SHANK2: variants seen among roughly 807,000 people sequenced by gnomAD.
SHANK2 encodes SH3 and multiple ankyrin repeat domains protein 2.
In SHANK2, 43 loss-of-function variants were observed where a neutral mutation model predicts 133.7. That is an observed-to-expected ratio of 0.32 (90% CI 0.25 to 0.41). The LOEUF (loss-of-function observed/expected upper bound fraction) is 0.41. SHANK2 is among the 10% of genes least tolerant of loss of function. The pLI is 1.00. For synonymous variants in SHANK2, 1,017 were observed against 952.8 expected (o/e 1.07, Z -1.24); for missense variants, 1,994 against 2,235.8 (o/e 0.89, Z 2.18).
chr11:71,117,955 G>T (rs1313907833), intron 4 of SHANK2, among the ~76,000 whole-genome samples: 2 of 152,224 alleles, frequency 1.3e-5, no homozygotes, highest in East Asian at 3.8e-4. Flanking sequence ...TGACGTTTAT[G>T]GAGGGCAGTC....
intron 2 of SHANK2, among the ~76,000 whole-genome samples, chr11:71,209,067 G>A (rs1257646659): frequency 3.3e-5 from 5 of 152,180 alleles, no homozygotes; most frequent in African/African-American, 1.2e-4. Flanking sequence ...CCAGTCCTCT[G>A]AGTCTAAGCC....
chr11:70,501,700 T>C (rs1056424368), intron 20 of SHANK2, among the ~76,000 whole-genome samples: 1 of 152,218 alleles, frequency 6.6e-6, no homozygotes, highest in African/African-American at 2.4e-5. Context: ...TTGCAGACCT[T>C]ACACAAAGGT....
chr11:70,769,291 G>A (rs1388823015), intron 14 of SHANK2, among the ~76,000 whole-genome samples: 3 of 152,290 alleles, frequency 2.0e-5, no homozygotes, highest in Non-Finnish European at 2.9e-5. Flanking sequence ...CCCCAGGGAC[G>A]GTGCCCACTG....
At chr11:70,716,705 A>G (rs1398289597) in intron 14 of SHANK2, among the ~76,000 whole-genome samples, 1 of 151,986 alleles carries the variant, frequency 6.6e-6, no homozygotes, top group Admixed American at 6.6e-5. Context: ...GGCACCCCCA[A>G]AAGATTCTAC....
chr11:71,098,205 G>A (rs1000402077), intron 6 of SHANK2, among the ~76,000 whole-genome samples: 11 of 151,074 alleles, frequency 7.3e-5, no homozygotes, highest in African/African-American at 1.7e-4. Flanking sequence ...GTACATGCCT[G>A]TGCGTGTGCA....
chr11:70,646,707 T>C (rs2061265755), intron 17 of SHANK2, among the ~76,000 whole-genome samples: 1 of 152,174 alleles, frequency 6.6e-6, no homozygotes, highest in Non-Finnish European at 1.5e-5. Flanking sequence ...CCCCACGTGG[T>C]CCAGTCCTTG....
At chr11:70,910,877 G>A (rs1590823390) in intron 10 of SHANK2, 1 of 429,258 alleles carries the variant, frequency 2.3e-6, no homozygotes, top group East Asian at 7.2e-5. Flanking sequence ...TAACACAATT[G>A]TTTACATGTT....
At chr11:71,110,345 G>A (rs1657480910) in intron 5 of SHANK2, among the ~76,000 whole-genome samples, 1 of 152,202 alleles carries the variant, frequency 6.6e-6, no homozygotes, top group South Asian at 2.1e-4. Context: ...GGTTGAGGCA[G>A]GAGAATGGCA....
chr11:70,746,346 C>T (rs1419354515), intron 14 of SHANK2, among the ~76,000 whole-genome samples: 1 of 151,234 alleles, frequency 6.6e-6, no homozygotes, highest in Non-Finnish European at 1.5e-5. Flanking sequence ...TCTCCCACCA[C>T]ACTCTCCCGC....
At chr11:70,761,244 A>G (rs1946990261) in intron 14 of SHANK2, among the ~76,000 whole-genome samples, 1 of 152,098 alleles carries the variant, frequency 6.6e-6, no homozygotes. Flanking sequence ...TGGGGCCCCT[A>G]TGATGGGATT....
At chr11:70,679,645 G>C (rs1318959533) in intron 15 of SHANK2, among the ~76,000 whole-genome samples, 2 of 152,274 alleles carry the variant, frequency 1.3e-5, no homozygotes, top group African/African-American at 4.8e-5. Flanking sequence ...CACTGAACGG[G>C]AGGCTTGGGA....
chr11:71,065,060 A>G (rs1327469959), intron 9 of SHANK2, among the ~76,000 whole-genome samples: 2 of 152,064 alleles, frequency 1.3e-5, no homozygotes, highest in Non-Finnish European at 2.9e-5. Context: ...GATGCCACAG[A>G]AACGTTGAGC....
intron 14 of SHANK2, among the ~76,000 whole-genome samples, chr11:70,699,867 C>T (rs1409469501): frequency 6.6e-6 from 1 of 152,182 alleles, no homozygotes; most frequent in Non-Finnish European, 1.5e-5. Context: ...CAGATGTGGC[C>T]ACGTGACTAG....
rs142982679 is a variant in SHANK2 at position 70,482,137 on chromosome 11, A to C, written c.4979+3177T>G. Among the ~76,000 whole-genome samples the C allele has an allele frequency of 2.7e-4, 41 of 152,324 alleles. No individual in the cohort carries two copies. The East Asian group carries it at 7.7e-3, about 29-fold the overall frequency. ...GAGCCTAGTTTAGTGCCTACAGTGA[A>C]TGCTCTTCATCTTTGTCCTCTGGCC... On this transcript the variant is annotated intron_variant, in intron 25 of 25. Coordinates refer to ENST00000601538, the MANE Select transcript of SHANK2 (RefSeq NM_012309.5).
At chr11:70,508,815 G>A (rs548053068) in intron 17 of SHANK2, among the ~76,000 whole-genome samples, 1 of 152,312 alleles carries the variant, frequency 6.6e-6, no homozygotes, top group South Asian at 2.1e-4. Flanking sequence ...CCTGAGCTCT[G>A]GAGGTCGAGA....
At chr11:71,218,548 C>T (rs575026118) in intron 2 of SHANK2, among the ~76,000 whole-genome samples, 1 of 152,096 alleles carries the variant, frequency 6.6e-6, no homozygotes, top group Non-Finnish European at 1.5e-5. Flanking sequence ...CAGGTGTGAG[C>T]CCCCGGGACC....
At chr11:70,682,937 G>A (rs972180179) in intron 15 of SHANK2, among the ~76,000 whole-genome samples, 1 of 152,036 alleles carries the variant, frequency 6.6e-6, no homozygotes, top group African/African-American at 2.4e-5. Context: ...GGAAACCGAG[G>A]CCAGGGGTTA....
chr11:70,710,045 G>A (rs1238750892), intron 14 of SHANK2, among the ~76,000 whole-genome samples: 1 of 152,084 alleles, frequency 6.6e-6, no homozygotes, highest in African/African-American at 2.4e-5. Context: ...GAAAGGGTGG[G>A]GCAGCAGAAG....
intron 17 of SHANK2, among the ~76,000 whole-genome samples, chr11:70,653,567 C>CAAA (rs1157982312): frequency 2.6e-4 from 16 of 61,704 alleles, no homozygotes; most frequent in South Asian, 6.4e-4. Context: ...CTCAGCCTTC[C>CAAA]AAAAAAAAAA....
Sources: gnomAD v4.1 joint callset for allele counts (sites outside exome capture counted in the v4.1 genomes callset) on GRCh38, gnomAD v4.1.1 for gene constraint, MANE v1.5 for transcripts, NCBI Gene and HGNC (gene_info 2026-07-23, HGNC 2026-07-21) for gene names.